The following GPSM2 variants were observed in gnomAD, a reference collection of about 807,000 sequenced individuals.
GPSM2 encodes G protein-signaling modulator 2.
In GPSM2, 58 loss-of-function variants were observed where a neutral mutation model predicts 78.4. The observed-to-expected ratio is 0.74, with a 90% confidence interval of 0.60 to 0.92. The LOEUF is 0.92. Ranked by LOEUF, GPSM2 falls within the 40% of genes least tolerant of loss-of-function variation. The pLI, the probability that GPSM2 is intolerant of heterozygous loss-of-function variation, is 0.00. For missense variants in GPSM2, 700 were observed against 815.5 expected (o/e 0.86, Z 1.73); for synonymous variants, 224 against 280.2 (o/e 0.80, Z 2.00).
intron 2 of GPSM2, among the ~76,000 whole-genome samples, chr1:108,894,112 A>G: frequency 6.6e-6 from 1 of 152,202 alleles, no homozygotes. Flanking sequence ...AGAATATGAC[A>G]ATAACTTCAT....
intron 11 of GPSM2, among the ~76,000 whole-genome samples, chr1:108,917,611 C>CATACATATAT (rs1650342861): frequency 8.8e-5 from 2 of 22,726 alleles, no homozygotes; most frequent in East Asian, 2.2e-3. Context: ...CACACACACA[C>CATACATATAT]ATATATATAT....
intron 10 of GPSM2, among the ~76,000 whole-genome samples, chr1:108,907,370 G>A (rs930850293): frequency 6.6e-6 from 1 of 152,156 alleles, no homozygotes; most frequent in Admixed American, 6.5e-5. Context: ...GGTTAGAGGT[G>A]TTCCTAGAGA....
chr1:108,916,242 G>C (rs1664413), intron 11 of GPSM2, among the ~76,000 whole-genome samples: 1 of 151,224 alleles, frequency 6.6e-6, no homozygotes, highest in East Asian at 1.9e-4. Context: ...CTGGGTGACA[G>C]AGTGAGACCC....
rs1379483513 is a variant in GPSM2, at chr1:108,929,808, G to A, written c.1923G>A (p.Lys641=). The A allele has an allele frequency of 6.2e-7, 1 of 1,614,026 alleles. No individual in the cohort carries two copies. The highest frequency in any genetic ancestry group is 1.3e-5 in the African/African-American group (1 of 74,926). ...GCCTTATTTTACGGTCCCAGGGAAA[G>A]AGAATGGATGAACAGAGAGTTCTTT... ...FFSLILRSQG[K]RMDEQRVLLQ... Residue 641 remains lysine (K), a synonymous_variant, in exon 15 of 15, where the codon AAG becomes AAA. Coordinates refer to ENST00000264126, the MANE Select transcript of GPSM2 (RefSeq NM_013296.5).
intron 2 of GPSM2, among the ~76,000 whole-genome samples, chr1:108,887,654 G>C (rs1011809210): frequency 2.6e-5 from 4 of 152,126 alleles, no homozygotes; most frequent in Admixed American, 6.5e-5. Flanking sequence ...CTCACTCCTA[G>C]AGGGTTGCAT....
At chr1:108,910,635 C>T (rs1032215249) in intron 10 of GPSM2, among the ~76,000 whole-genome samples, 6 of 152,028 alleles carry the variant, frequency 3.9e-5, no homozygotes, top group African/African-American at 1.2e-4. Flanking sequence ...GAGGCTGAGG[C>T]GGGCGGATCA....
chr1:108,911,743 T>A (rs989565443), intron 10 of GPSM2, among the ~76,000 whole-genome samples: 17 of 150,894 alleles, frequency 1.1e-4, no homozygotes, highest in African/African-American at 3.9e-4. Flanking sequence ...CGGGAAATTT[T>A]AATACATATC....
chr1:108,909,101 T>G (rs1199611303), intron 10 of GPSM2, among the ~76,000 whole-genome samples: 1 of 152,204 alleles, frequency 6.6e-6, no homozygotes, highest in Non-Finnish European at 1.5e-5. Context: ...ATCATGCTGT[T>G]GCACTCCAGC....
intron 7 of GPSM2, among the ~76,000 whole-genome samples, chr1:108,899,488 T>C (rs1648633015): frequency 6.6e-6 from 1 of 152,224 alleles, no homozygotes; most frequent in African/African-American, 2.4e-5. Context: ...TATTGAGCAG[T>C]TCTCCCTTTA....
At chr1:108,897,776 T>G (rs1319632145) in intron 4 of GPSM2, 149 bp downstream of exon 4, 3 of 946,684 alleles carry the variant, frequency 3.2e-6, no homozygotes, top group East Asian at 5.4e-5. Flanking sequence ...GAAAAAAAAT[T>G]TAATGGAGAA....
At chr1:108,902,518 T>G (rs1262394792) in intron 8 of GPSM2, among the ~76,000 whole-genome samples, 1 of 152,228 alleles carries the variant, frequency 6.6e-6, no homozygotes, top group African/African-American at 2.4e-5. Context: ...AAATCCGTTA[T>G]GTCCACATCT....
Position 108,918,809 on chromosome 1 carries a change from T to C in GPSM2, c.1440+20T>C. On this transcript the variant is annotated intron_variant, in intron 12 of 14. Coordinates refer to ENST00000264126, the MANE Select transcript of GPSM2 (RefSeq NM_013296.5). ...CAGAGGGTACGTTTAAACTAAGTTT[T>C]TGAGTATTGTGTTTTGAGTACCGAC... The C allele has an allele frequency of 1.3e-6, 2 of 1,570,868 alleles. No individual in the cohort carries two copies. The highest frequency in any genetic ancestry group is 1.8e-6 in the Non-Finnish European group (2 of 1,140,682).
intron 12 of GPSM2, among the ~76,000 whole-genome samples, chr1:108,921,676 T>A (rs190354639): frequency 1.7e-3 from 254 of 152,284 alleles, no homozygotes; most frequent in Non-Finnish European, 2.7e-3. Flanking sequence ...CTAAAAACTT[T>A]TTGGATTGCA....
At chr1:108,880,900 T>A (rs758438372) in intron 1 of GPSM2, among the ~76,000 whole-genome samples, 1 of 152,078 alleles carries the variant, frequency 6.6e-6, no homozygotes, top group African/African-American at 2.4e-5. Flanking sequence ...GATCAGATAG[T>A]TTAGATAAAT....
At chr1:108,923,961 GTTTTTTTT>G (rs770715946) in intron 13 of GPSM2, 31 bp from the exon 14 acceptor site, 2 of 1,362,662 alleles carry the variant, frequency 1.5e-6, no homozygotes, top group Admixed American at 3.5e-5. Flanking sequence ...TTTGTTTTTT[GTTTTTTTT>G]TAATCTTTGG....
At position 108,929,702 on chromosome 1, in the gene GPSM2, G is replaced by T; in HGVS notation, c.1817G>T (p.Gly606Val). Reference sequence around the variant, plus strand: ...TTAATCTCTCTCATAAACTTCTAGGGATCCAGATTAGATGATCAAAGATGT... The same window carrying T: ...TTAATCTCTCTCATAAACTTCTAGGTATCCAGATTAGATGATCAAAGATGT... ...DFFDILVKCQGSRLDDQRCAP... is the reference protein window; with the variant it reads ...DFFDILVKCQVSRLDDQRCAP... The change falls in exon 15 of 15, where the codon GGA becomes GTA. Residue 606 changes from glycine to valine, a missense_variant and splice_region_variant. Coordinates refer to ENST00000264126, the MANE Select transcript of GPSM2 (RefSeq NM_013296.5). The T allele has an allele frequency of 6.2e-7, 1 of 1,613,090 alleles. No individual in the cohort carries two copies. Among genetic ancestry groups the T allele is most frequent in the Non-Finnish European group, 8.5e-7 (1 of 1,179,254 alleles).
chr1:108,891,046 G>T (rs887302327), intron 2 of GPSM2, among the ~76,000 whole-genome samples: 4 of 152,004 alleles, frequency 2.6e-5, no homozygotes, highest in Non-Finnish European at 5.9e-5. Context: ...ACCAATCTGG[G>T]GTTGGAAGAG....
chr1:108,896,058 G>A (rs1026679074), intron 2 of GPSM2, among the ~76,000 whole-genome samples: 10 of 152,144 alleles, frequency 6.6e-5, no homozygotes, highest in African/African-American at 2.4e-4. Context: ...TCATGAAGAT[G>A]CTGAAGAAAC....
chr1:108,880,598 G>A (rs1388494104), intron 1 of GPSM2, among the ~76,000 whole-genome samples: 1 of 150,240 alleles, frequency 6.7e-6, no homozygotes, highest in Non-Finnish European at 1.5e-5. Flanking sequence ...AAAAAACAAT[G>A]CTTAGTGGAA....
Sources: gnomAD v4.1 joint callset for allele counts (sites outside exome capture counted in the v4.1 genomes callset) on GRCh38, gnomAD v4.1.1 for gene constraint, MANE v1.5 for transcripts, NCBI Gene and HGNC (gene_info 2026-07-23, HGNC 2026-07-21) for gene names.